The following LRRC37A3 variants were observed in gnomAD, a reference collection of about 807,000 sequenced individuals.
LRRC37A3 encodes the protein leucine rich repeat containing 37 member A3.
Under a neutral mutation model 106.2 loss-of-function variants are expected in LRRC37A3, and 25 were observed. The ratio of observed to expected loss-of-function variants is 0.24; its 90% CI spans 0.17 to 0.33. LRRC37A3 has a LOEUF of 0.33. LRRC37A3 is among the 10% of genes least tolerant of loss of function. LRRC37A3 has a pLI of 1.00. For missense variants in LRRC37A3, 712 were observed against 1,644.9 expected (o/e 0.43, Z 9.81); for synonymous variants, 305 against 635.8 (o/e 0.48, Z 7.83).
intron 10 of LRRC37A3, among the ~76,000 whole-genome samples, chr17:64,864,057 G>A (rs1316248677): frequency 1.4e-5 from 2 of 147,832 alleles, no homozygotes; most frequent in South Asian, 2.2e-4. Context: ...TAGAACTCCT[G>A]GGCTCAGGCA....
intron 10 of LRRC37A3, among the ~76,000 whole-genome samples, chr17:64,864,320 A>G (rs1220011497): frequency 6.6e-6 from 1 of 152,224 alleles, no homozygotes; most frequent in Non-Finnish European, 1.5e-5. Context: ...CAAGACAACT[A>G]TCTTTGACTC....
intron 1 of LRRC37A3, 62 bp downstream of exon 1, chr17:64,919,369 G>T: frequency 2.6e-6 from 1 of 383,036 alleles, no homozygotes; most frequent in South Asian, 5.0e-5. Context: ...CAGGGCAGGA[G>T]GGGCCCGGCC....
intron 8 of LRRC37A3, among the ~76,000 whole-genome samples, chr17:64,873,613 CA>C (rs1973395296): frequency 6.7e-6 from 1 of 149,222 alleles, no homozygotes; most frequent in African/African-American, 2.5e-5. Context: ...AAAAAGGAGT[CA>C]AATAGAAATT....
At position 64,909,657 on chromosome 17, in the gene LRRC37A3, A is replaced by G. The variant is rs539529695; in HGVS notation, c.-496+9093T>C. 7 of 152,444 alleles carry G rather than the reference A, an allele frequency of 4.6e-5. No homozygotes were observed. In the South Asian group the frequency reaches 1.4e-3, roughly 32 times the overall value. The allele number at this position is 152,444 out of a possible 1,614,324, so 9.4% of individuals were successfully genotyped here. Reference sequence around the variant, plus strand: ...CTCCCCTTACCAAGCAGAAAGTAGGATTTTGGAAACTGATGCAAGGGAAGC... The same window carrying G: ...CTCCCCTTACCAAGCAGAAAGTAGGGTTTTGGAAACTGATGCAAGGGAAGC... On this transcript the variant is annotated intron_variant, in intron 2 of 14. Coordinates refer to ENST00000584306, the MANE Select transcript of LRRC37A3 (RefSeq NM_199340.5).
At position 64,868,185 on chromosome 17, in the gene LRRC37A3, A is replaced by T. The variant is rs1973182311; in HGVS notation, c.3053+277T>A. ...GAAAAGGCAAAAGTATAGGAACAGA[A>T]ATCAGATTAGTAGCTAACAGGGGCT... On this transcript the variant is annotated intron_variant, in intron 10 of 14. Transcript: ENST00000584306. Among the ~76,000 whole-genome samples the T allele has an allele frequency of 2.0e-5, 3 of 152,216 alleles. No individual in the cohort carries two copies. In the South Asian group the frequency reaches 6.2e-4, roughly 31 times the overall value.
intron 13 of LRRC37A3, among the ~76,000 whole-genome samples, chr17:64,857,873 C>T (rs896360389): frequency 1.3e-5 from 2 of 152,172 alleles, no homozygotes; most frequent in African/African-American, 4.8e-5. Context: ...GGCTGGCTGC[C>T]ACAATCATGG....
chr17:64,861,380 C>T (rs1183704752), intron 11 of LRRC37A3, among the ~76,000 whole-genome samples: 5 of 152,196 alleles, frequency 3.3e-5, no homozygotes, highest in African/African-American at 1.2e-4. Context: ...CTCCTGCTCA[C>T]CTCGTCCTCG....
intron 8 of LRRC37A3, chr17:64,876,872 T>C (rs1973530473): frequency 6.6e-6 from 1 of 152,068 alleles, no homozygotes; most frequent in African/African-American, 2.4e-5. Context: ...TCCTAACTTA[T>C]TCTATGAGGG....
chr17:64,870,063 G>A (rs1056820507), intron 8 of LRRC37A3, among the ~76,000 whole-genome samples: 26 of 148,318 alleles, frequency 1.8e-4, no homozygotes, highest in Admixed American at 1.5e-3. Context: ...GACTATGAGC[G>A]CTTTGAGGGC....
intron 10 of LRRC37A3, among the ~76,000 whole-genome samples, chr17:64,865,530 G>T (rs1973037747): frequency 6.6e-6 from 1 of 152,060 alleles, no homozygotes; most frequent in Admixed American, 6.5e-5. Flanking sequence ...TTTTCAAATG[G>T]TATAATGAAC....
Position 64,910,008 on chromosome 17 carries a change from C to T in LRRC37A3, c.-496+8742G>A, listed in dbSNP as rs1261348999. The T allele has an allele frequency of 3.3e-5, 5 of 152,118 alleles. No individual in the cohort carries two copies. The East Asian group carries it at 5.8e-4, about 18-fold the overall frequency. The allele number at this position is 152,118 out of a possible 1,614,324, so 9.4% of individuals were successfully genotyped here. A position where few individuals can be genotyped will look rare whatever the true frequency, so the allele number is the denominator to read the frequency against. The stretch of plus-strand genomic sequence containing the variant: ...TGGCAGTTACTGAGGCAAAATTTTC[C>T]GCTCCTTTGTATTCTGTAATACAAG... On this transcript the variant is annotated intron_variant, in intron 2 of 14. Coordinates refer to ENST00000584306, the MANE Select transcript of LRRC37A3 (RefSeq NM_199340.5).
In LRRC37A3 at chr17:64,860,269, T is replaced by G. The variant is rs768966982; in HGVS notation, c.3877A>C (p.Lys1293Gln). 6.2e-7 allele frequency: 1 copy of G among 1,613,982 alleles called. No individual in the cohort carries two copies. The highest frequency in any genetic ancestry group is 1.7e-5 in the Admixed American group (1 of 60,014). ...ESAKARVTNM[K>Q]TSKPIVHSRK... is the part of the protein sequence containing the mutation. ...GAATGTACGATGGGTTTAGATGTCT[T>G]CATATTTGTAACTCTAGCCTTTGCA... The change falls in exon 12 of 15, where the codon AAG becomes CAG. Residue 1293 changes from lysine (K) to glutamine (Q), a missense_variant. Coordinates refer to ENST00000584306, the MANE Select transcript of LRRC37A3 (RefSeq NM_199340.5).
In LRRC37A3 at chr17:64,863,015, G is replaced by A. The variant is rs368707228; in HGVS notation, c.3057C>T (p.Ile1019=). 639 of 1,597,840 alleles carry A rather than the reference G, an allele frequency of 4.0e-4. 1 individual carries two copies. Among genetic ancestry groups the A allele is most frequent in the Non-Finnish European group, 4.7e-4 (553 of 1,179,756 alleles). The change falls in exon 11 of 15, where the codon ATC becomes ATT. Residue 1019 remains isoleucine, a synonymous_variant. Transcript: ENST00000584306. The stretch of plus-strand genomic sequence containing the variant: ...GGCAGCAGGCCATATGGCTAGGTAC[G>A]ATCCTATAGATGAAAACAGAGAGCA... The part of the protein sequence containing the change: ...LMMTVELEKL[I]VPSHMACCLC...
intron 13 of LRRC37A3, 123 bp from the exon 14 acceptor site, chr17:64,856,012 A>G (rs1284552074): frequency 5.7e-6 from 9 of 1,585,774 alleles, no homozygotes; most frequent in Admixed American, 1.7e-5. Flanking sequence ...TTTTGAAGAC[A>G]GGAATTGCAT....
At chr17:64,869,927 T>C (rs1276067531) in intron 8 of LRRC37A3, among the ~76,000 whole-genome samples, 3 of 17,638 alleles carry the variant, frequency 1.7e-4, no homozygotes, top group African/African-American at 7.2e-4. Flanking sequence ...TTTTGCTTTA[T>C]AGCCAAAGAA....
Position 64,881,227 on chromosome 17 carries a change from TTTTTCTTTTC to T in LRRC37A3, c.2906+4849_2906+4858del, listed in dbSNP as rs201419991. On this transcript the variant is annotated intron_variant, in intron 8 of 14. Coordinates refer to ENST00000584306, the MANE Select transcript of LRRC37A3 (RefSeq NM_199340.5). ...TCTAGAGAATCTGAAACAGTGAGCC[TTTTTCTTTTC>T]TTTTCTTTTCTTTTCTTTTTTTTGA... is the stretch of plus-strand genomic sequence containing the variant. 1,115 of 698,752 alleles carry T rather than the reference TTTTTCTTTTC, an allele frequency of 1.6e-3. 14 individuals carry two copies. In the East Asian group the frequency reaches 0.021, roughly 13 times the overall value. 43.3% of individuals were successfully genotyped at this position (698,752 alleles called of 1,614,324 possible).
intron 14 of LRRC37A3, among the ~76,000 whole-genome samples, chr17:64,854,983 C>T (rs1972628997): frequency 6.6e-6 from 1 of 152,122 alleles, no homozygotes; most frequent in African/African-American, 2.4e-5. Flanking sequence ...GATTACAGGC[C>T]TGCGCCACCA....
At position 64,860,693 on chromosome 17, in the gene LRRC37A3, C is replaced by A. The variant is rs745720401; in HGVS notation, c.3453G>T (p.Leu1151=). The A allele has an allele frequency of 1.2e-6, 2 of 1,614,012 alleles. No individual in the cohort carries two copies. The highest frequency in any genetic ancestry group is 2.2e-5 in the South Asian group (2 of 91,074). Residue 1151 remains leucine, a synonymous_variant, in exon 12 of 15, where the codon CTG becomes CTT. Transcript: ENST00000584306. The part of the protein sequence containing the change: ...FIKLPTTGNS[L]AKIQTVGKNR... ...TTTTGCCTACAGTTTGAATCTTTGC[C>A]AGGCTGTTTCCTGTGGTTGGCAGTT... is the stretch of plus-strand genomic sequence containing the variant.
intron 10 of LRRC37A3, among the ~76,000 whole-genome samples, chr17:64,866,801 T>TTATATATA (rs61583094): frequency 1.3e-3 from 165 of 124,712 alleles, no homozygotes; most frequent in African/African-American, 5.0e-3. Flanking sequence ...TGGCTGATTT[T>TTATATATA]TATATATATA....
Sources: allele counts gnomAD v4.1 joint callset (sites outside exome capture counted in the v4.1 genomes callset), GRCh38; gene constraint gnomAD v4.1.1; transcripts MANE v1.5; gene names NCBI Gene and HGNC (gene_info 2026-07-23, HGNC 2026-07-21).